Variants in USP28 observed in about 807,000 individuals in gnomAD.
The protein encoded by USP28 is ubiquitin carboxyl-terminal hydrolase 28.
A neutral mutation model predicts 145.0 loss-of-function variants in USP28; 113 were observed. That is an observed-to-expected ratio of 0.78 (90% CI 0.67 to 0.91). The LOEUF is 0.91. USP28 is among the 40% of genes least tolerant of loss of function. The pLI is 0.00. For synonymous variants in USP28, 447 were observed against 450.9 expected (o/e 0.99, Z 0.11); for missense variants, 1,201 against 1,289.6 (o/e 0.93, Z 1.05).
chr11:113,848,287 T>C (rs1946101437), intron 3 of USP28, among the ~76,000 whole-genome samples: 1 of 152,218 alleles, frequency 6.6e-6, no homozygotes, highest in African/African-American at 2.4e-5. Flanking sequence ...CAAACAAGTT[T>C]CTTGCATTTA....
chr11:113,852,515 T>C (rs1252837311), exon 3 of USP28: 1 of 1,614,198 alleles, frequency 6.2e-7, no homozygotes, highest in Non-Finnish European at 8.5e-7. Context: ...TAATACTTCC[T>C]TGTTGGCAGC....
intron 2 of USP28, among the ~76,000 whole-genome samples, chr11:113,853,878 C>CAAAAAAAA (rs57739058): frequency 5.7e-5 from 7 of 123,232 alleles, no homozygotes; most frequent in South Asian, 2.6e-4. Context: ...GACTCCATCT[C>CAAAAAAAA]AAAAAAAAAA....
intron 8 of USP28, among the ~76,000 whole-genome samples, chr11:113,831,147 C>T (rs995857968): frequency 5.9e-5 from 9 of 152,118 alleles, no homozygotes; most frequent in Non-Finnish European, 1.2e-4. Flanking sequence ...TCTGAAGACA[C>T]AAAGACAAGA....
At chr11:113,845,469 TAAA>T (rs1565453542) in intron 3 of USP28, among the ~76,000 whole-genome samples, 2 of 150,514 alleles carry the variant, frequency 1.3e-5, no homozygotes, top group East Asian at 4.0e-4. Flanking sequence ...TAAAATAAAA[TAAA>T]TGATGCAACT....
chr11:113,848,358 A>C (rs1249886149), intron 3 of USP28, among the ~76,000 whole-genome samples: 2 of 152,180 alleles, frequency 1.3e-5, no homozygotes, highest in African/African-American at 4.8e-5. Context: ...AAGATGATCA[A>C]CAATTGTGTG....
intron 1 of USP28, among the ~76,000 whole-genome samples, chr11:113,867,124 G>A (rs1235587482): frequency 6.6e-6 from 1 of 152,168 alleles, no homozygotes; most frequent in Non-Finnish European, 1.5e-5. Flanking sequence ...TATTGCCAGG[G>A]GTGGAGGGCA....
chr11:113,822,664 A>G lies in USP28; in HGVS notation c.1283+941T>C, dbSNP rs539921437. Among the ~76,000 whole-genome samples the G allele has an allele frequency of 2.6e-5, 4 of 152,384 alleles. No individual in the cohort carries two copies. The East Asian group carries it at 5.8e-4, about 22-fold the overall frequency. On this transcript the variant is annotated intron_variant, in intron 12 of 24. Coordinates refer to ENST00000003302, the Ensembl canonical transcript of USP28. ...TTTAAAATTTCCAGCCTTACAAAGT[A>G]TCACTAAAACTTAAAGGTTTAGTAA...
At position 113,799,259 on chromosome 11, in the gene USP28, G is replaced by T; in HGVS notation, c.3215C>A (p.Ser1072Ter). ...GGGAGCTTATTTCACTGTCACAGTTGAAACTCCCTGAATTGACTCCATGAC... is the reference window on the plus strand; with the variant it reads ...GGGAGCTTATTTCACTGTCACAGTTTAAACTCCCTGAATTGACTCCATGAC... Residue 1072 changes from serine to a stop codon, truncating the protein, a stop_gained, in exon 25 of 25, where the codon TCA becomes TAA. Coordinates refer to ENST00000003302, the Ensembl canonical transcript of USP28. LOFTEE classifies it high-confidence loss of function. 2 of 1,613,364 alleles carry T rather than the reference G, an allele frequency of 1.2e-6. No individual in the cohort carries two copies. Among genetic ancestry groups the T allele is most frequent in the Non-Finnish European group, 1.7e-6 (2 of 1,179,712 alleles).
intron 12 of USP28, chr11:113,820,453 T>C (rs914795966): frequency 3.3e-5 from 5 of 152,186 alleles, no homozygotes; most frequent in African/African-American, 7.2e-5. Flanking sequence ...GTGCTGTTAA[T>C]TACTCAAGAA....
In USP28 at chr11:113,854,289, T is replaced by C. The variant is rs143026130; in HGVS notation, c.104A>G (p.Gln35Arg). ...AGCTTCATGGAGAAAGGAAGGGTCC[T>C]GAATGCCTGTGATTTCTCTCAGTTG... The change falls in exon 2 of 25, where the codon CAG becomes CGG. Residue 35 changes from glutamine (Q) to arginine (R), a missense_variant. Coordinates refer to ENST00000003302, the Ensembl canonical transcript of USP28. 1.3e-3 allele frequency: 2,151 copies of C among 1,614,132 alleles called. 4 individuals are homozygous for C. Among genetic ancestry groups the C allele is most frequent in the Non-Finnish European group, 1.7e-3 (2,020 of 1,179,978 alleles).
At chr11:113,814,185 A>T (rs1161926981) in intron 14 of USP28, among the ~76,000 whole-genome samples, 1 of 152,216 alleles carries the variant, frequency 6.6e-6, no homozygotes, top group Non-Finnish European at 1.5e-5. Context: ...ATAATTGCCA[A>T]AATTTCTTAA....
intron 1 of USP28, among the ~76,000 whole-genome samples, chr11:113,861,123 C>CA (rs1166313897): frequency 0.015 from 1,281 of 88,000 alleles, 24 homozygotes; most frequent in East Asian, 0.11. Context: ...GACTACACCT[C>CA]AAAAAAAAAA....
chr11:113,842,417 C>A (rs1318870778), intron 3 of USP28, among the ~76,000 whole-genome samples: 2 of 151,968 alleles, frequency 1.3e-5, no homozygotes, highest in African/African-American at 4.8e-5. Flanking sequence ...AACCCCGTCT[C>A]TACTAAAAAT....
intron 1 of USP28, among the ~76,000 whole-genome samples, chr11:113,865,495 A>G (rs1948162475): frequency 6.6e-6 from 1 of 152,216 alleles, no homozygotes; most frequent in Non-Finnish European, 1.5e-5. Context: ...TGGCATAAGG[A>G]CAGATATATA....
chr11:113,801,502 G>A (rs1257818109), exon 24 of USP28: 1 of 1,584,204 alleles, frequency 6.3e-7, no homozygotes, highest in Non-Finnish European at 8.6e-7. Flanking sequence ...CTTGCCCAAG[G>A]TAAGAGCACC....
chr11:113,833,987 CAACA>C (rs1359830007), intron 6 of USP28, among the ~76,000 whole-genome samples: 3 of 152,214 alleles, frequency 2.0e-5, no homozygotes, highest in Admixed American at 6.5e-5. Flanking sequence ...AGAAAGGATA[CAACA>C]AACACAACAG....
At chr11:113,819,044 C>G in intron 12 of USP28, among the ~76,000 whole-genome samples, 1 of 151,432 alleles carries the variant, frequency 6.6e-6, no homozygotes, top group East Asian at 1.9e-4. Flanking sequence ...CTATACTATA[C>G]ACAAGAAATT....
intron 1 of USP28, among the ~76,000 whole-genome samples, chr11:113,858,058 G>A (rs1947260437): frequency 6.6e-6 from 1 of 152,076 alleles, no homozygotes; most frequent in Non-Finnish European, 1.5e-5. Flanking sequence ...TAGACATGGG[G>A]TTTCTCCATG....
intron 11 of USP28, among the ~76,000 whole-genome samples, chr11:113,825,292 G>A (rs565064931): frequency 1.6e-4 from 24 of 152,070 alleles, no homozygotes; most frequent in Non-Finnish European, 8.8e-5. Flanking sequence ...TAAATCAAAG[G>A]AAAAATAAGA....
Sources: gnomAD v4.1 joint callset for allele counts (sites outside exome capture counted in the v4.1 genomes callset) on GRCh38, gnomAD v4.1.1 for gene constraint, MANE v1.5 for transcripts, NCBI Gene and HGNC (gene_info 2026-07-23, HGNC 2026-07-21) for gene names.